RTL9: variants seen among roughly 807,000 people sequenced by gnomAD.
RTL9 encodes the protein retrotransposon Gag-like protein 9.
RTL9 carries 19 observed loss-of-function variants against 44.7 expected under a neutral mutation model. The ratio of observed to expected loss-of-function variants is 0.42; its 90% CI spans 0.30 to 0.62. RTL9 has a LOEUF of 0.62. RTL9 is among the 20% of genes least tolerant of loss of function. RTL9 has a pLI of 0.16. For missense variants in RTL9, 1,105 were observed against 1,080.6 expected, an observed-to-expected ratio of 1.02 and a Z score of -0.32; for synonymous variants, 407 against 398.9, an observed-to-expected ratio of 1.02 and a Z score of -0.24.
chrX:110,369,932 G>A (rs1298170802), intron 1 of RTL9, among the ~76,000 whole-genome samples: 1 of 111,035 alleles, frequency 9.0e-6, no homozygotes, highest in Admixed American at 9.6e-5. Context: ...TGACACTTGT[G>A]TGCGTGTGTA....
chrX:110,452,398 G>A (rs1310639796), exon 1 of RTL9: 1 of 1,211,531 alleles, frequency 8.3e-7, no homozygotes, highest in Admixed American at 2.2e-5. Context: ...CTGTTAATGA[G>A]AGACACAGCC....
chrX:110,390,423 AG>A (rs1343972156), intron 1 of RTL9, among the ~76,000 whole-genome samples: 1 of 112,504 alleles, frequency 8.9e-6, no homozygotes, highest in African/African-American at 3.2e-5. Flanking sequence ...ATTGCATAAA[AG>A]AATGACGAGA....
At chrX:110,382,754 C>A (rs1048632712) in intron 1 of RTL9, among the ~76,000 whole-genome samples, 1 of 111,820 alleles carries the variant, frequency 8.9e-6, no homozygotes, top group East Asian at 2.8e-4. Context: ...GAAGGGTTGC[C>A]TGAATCAAAG....
chrX:110,430,553 T>C, intron 1 of RTL9, among the ~76,000 whole-genome samples: 1 of 111,795 alleles, frequency 8.9e-6, no homozygotes, highest in Non-Finnish European at 1.9e-5. Flanking sequence ...CACCTTGTAT[T>C]GGAGAAGAGG....
At chrX:110,424,111 A>G (rs2068737760) in intron 1 of RTL9, among the ~76,000 whole-genome samples, 1 of 111,682 alleles carries the variant, frequency 9.0e-6, no homozygotes, top group Admixed American at 9.5e-5. Flanking sequence ...TTTACAATGA[A>G]GAGACTGAGG....
intron 1 of RTL9, among the ~76,000 whole-genome samples, chrX:110,405,183 T>C (rs947432517): frequency 1.0e-4 from 11 of 108,067 alleles, no homozygotes; most frequent in Admixed American, 4.1e-4. Flanking sequence ...ATACAGGTCA[T>C]TCTTTTTAAA....
chrX:110,376,434 A>G (rs996175748), intron 1 of RTL9, among the ~76,000 whole-genome samples: 3 of 111,407 alleles, frequency 2.7e-5, no homozygotes, highest in Non-Finnish European at 5.6e-5. Context: ...TTAATCTGAG[A>G]CACCATGGCT....
chrX:110,452,263 T>C lies in RTL9; in HGVS notation c.1646T>C (p.Met549Thr), dbSNP rs1276037481. ...ATGAGAGCCCCTGTCTCTGAAGCAA[T>C]GTCCATGCCACAAATGAGAACCATG... Residue 549 changes from methionine to threonine, a missense_variant, in exon 1 of 2, where the codon ATG becomes ACG. Coordinates refer to ENST00000540313, the Ensembl canonical transcript of RTL9. 8.3e-7 allele frequency: 1 copy of C among 1,210,414 alleles called. No homozygotes were observed. Among genetic ancestry groups the C allele is most frequent in the Non-Finnish European group, 1.1e-6 (1 of 895,353 alleles).
At chrX:110,409,847 G>T (rs1021019307) in intron 1 of RTL9, among the ~76,000 whole-genome samples, 2 of 111,268 alleles carry the variant, frequency 1.8e-5, no homozygotes, top group Non-Finnish European at 3.8e-5. Flanking sequence ...TAAGTACAGA[G>T]GGAGGTATTG....
chrX:110,445,732 A>G (rs138744438), upstream of RTL9, among the ~76,000 whole-genome samples: 376 of 112,226 alleles, frequency 3.4e-3, no homozygotes, highest in African/African-American at 0.012. Context: ...TTCCCTGAGC[A>G]GCTAGCCATG....
exon 1 of RTL9, chrX:110,453,340 G>C (rs1208881381): frequency 5.0e-6 from 6 of 1,211,270 alleles, no homozygotes; most frequent in Non-Finnish European, 4.5e-6. Flanking sequence ...CCAGCCTCTG[G>C]AACTATGTCC....
At chrX:110,398,939 A>G (rs2068545966) in intron 1 of RTL9, among the ~76,000 whole-genome samples, 1 of 112,199 alleles carries the variant, frequency 8.9e-6, no homozygotes, top group African/African-American at 3.2e-5. Flanking sequence ...GTTTTTGCTC[A>G]TTAGGAAAAA....
At chrX:110,389,026 C>T (rs754577743) in intron 1 of RTL9, among the ~76,000 whole-genome samples, 53 of 111,700 alleles carry the variant, frequency 4.7e-4, no homozygotes, top group South Asian at 3.0e-3. Context: ...TAGTGTTTCC[C>T]AAAATGTGCA....
intron 1 of RTL9, among the ~76,000 whole-genome samples, chrX:110,404,723 C>A (rs1439291801): frequency 1.8e-5 from 2 of 111,424 alleles, no homozygotes; most frequent in Non-Finnish European, 1.9e-5. Flanking sequence ...CTGACCACTT[C>A]CCATTAAATT....
At chrX:110,382,102 C>T (rs1261948025) in intron 1 of RTL9, among the ~76,000 whole-genome samples, 1 of 111,847 alleles carries the variant, frequency 8.9e-6, no homozygotes, top group African/African-American at 3.3e-5. Context: ...AAAATTCTTT[C>T]CTAAGAATTC....
intron 1 of RTL9, among the ~76,000 whole-genome samples, chrX:110,398,790 C>T (rs754880497): frequency 6.2e-5 from 7 of 112,328 alleles, no homozygotes; most frequent in African/African-American, 2.3e-4. Flanking sequence ...TTCCATAGAT[C>T]CATAGTATGT....
At chrX:110,442,733 ATCCACAGACCCTAGCTGAGGGAAG>A (rs2068889657) in intron 1 of RTL9, among the ~76,000 whole-genome samples, 1 of 111,631 alleles carries the variant, frequency 9.0e-6, no homozygotes, top group Admixed American at 9.5e-5. Flanking sequence ...AGGAGTTTCC[ATCCACAGACCCTAGCTGAGGGAAG>A]TAGCAGTTTC....
intron 1 of RTL9, among the ~76,000 whole-genome samples, chrX:110,421,281 G>A (rs1408330477): frequency 4.4e-5 from 5 of 112,717 alleles, no homozygotes; most frequent in African/African-American, 1.6e-4. Context: ...GAAGGTGAGA[G>A]ATGCTTGCTT....
intron 1 of RTL9, among the ~76,000 whole-genome samples, chrX:110,438,831 C>T (rs2068858418): frequency 8.9e-6 from 1 of 111,947 alleles, no homozygotes; most frequent in Admixed American, 9.4e-5. Context: ...TTATCCTTTG[C>T]CTTTGCTAAG....
Sources: gnomAD v4.1 joint callset for allele counts (sites outside exome capture counted in the v4.1 genomes callset) on GRCh38, gnomAD v4.1.1 for gene constraint, MANE v1.5 for transcripts, NCBI Gene and HGNC (gene_info 2026-07-23, HGNC 2026-07-21) for gene names.